Variants in RABGAP1L observed in about 807,000 individuals in gnomAD.
RABGAP1L encodes the protein rab GTPase-activating protein 1-like.
A neutral mutation model predicts 137.7 loss-of-function variants in RABGAP1L; 63 were observed. The observed-to-expected ratio is 0.46, with a 90% CI of 0.37 to 0.56. The LOEUF (loss-of-function observed/expected upper bound fraction) is 0.56. Among genes scored for constraint, RABGAP1L ranks in the 20% least tolerant of loss-of-function variants. The pLI is 0.00. For synonymous variants in RABGAP1L, 431 were observed against 433.7 expected, an observed-to-expected ratio of 0.99 and a Z score of 0.08; for missense variants, 1,095 against 1,244.0, an observed-to-expected ratio of 0.88 and a Z score of 1.80.
At chr1:174,613,733 G>T (rs1309166320) in intron 13 of RABGAP1L, among the ~76,000 whole-genome samples, 1 of 152,156 alleles carries the variant, frequency 6.6e-6, no homozygotes, top group African/African-American at 2.4e-5. Flanking sequence ...TTATGAATCT[G>T]GGTGCTCCTG....
At chr1:174,327,568 A>G (rs893483841) in intron 11 of RABGAP1L, among the ~76,000 whole-genome samples, 4 of 152,146 alleles carry the variant, frequency 2.6e-5, no homozygotes, top group East Asian at 1.9e-4. Context: ...AAAGGAAGAC[A>G]GTAAGAAGAG....
intron 22 of RABGAP1L, among the ~76,000 whole-genome samples, chr1:174,977,692 T>G (rs1328243380): frequency 1.3e-5 from 2 of 152,222 alleles, no homozygotes; most frequent in East Asian, 3.8e-4. Flanking sequence ...ATAAATTTAG[T>G]GACCCTTGCT....
intron 13 of RABGAP1L, among the ~76,000 whole-genome samples, chr1:174,531,746 G>C (rs1664425662): frequency 7.4e-6 from 1 of 134,978 alleles, no homozygotes; most frequent in Non-Finnish European, 1.6e-5. Context: ...ACTGTCTCGG[G>C]GGTGGGGGGG....
At chr1:174,694,701 T>C (rs954076068) in intron 15 of RABGAP1L, among the ~76,000 whole-genome samples, 3 of 152,038 alleles carry the variant, frequency 2.0e-5, no homozygotes, top group Non-Finnish European at 2.9e-5. Context: ...TTATAGTCCT[T>C]TGGGTATATA....
rs892575993 is a variant in RABGAP1L, at chr1:174,792,335, G to C, written c.2212-19497G>C. 2.0e-5 allele frequency among the ~76,000 whole-genome samples: 3 copies of C among 152,216 alleles called. No individual in the cohort carries two copies. The South Asian group carries it at 6.2e-4, about 32-fold the overall frequency. On this transcript the variant is annotated intron_variant, in intron 18 of 25. Transcript: ENST00000681986. ...TGTTCTTGAAGTAGCAAGCATGATT[G>C]TGAATAGTCTAGAATGGTCCAGAAA...
chr1:174,833,420 G>GTT (rs1558127218), intron 19 of RABGAP1L, among the ~76,000 whole-genome samples: 1 of 88,852 alleles, frequency 1.1e-5, no homozygotes, highest in Non-Finnish European at 2.7e-5. Context: ...ATGTGTGTGT[G>GTT]TGTATATATA....
intron 13 of RABGAP1L, among the ~76,000 whole-genome samples, chr1:174,489,276 C>T (rs993226149): frequency 6.6e-6 from 1 of 151,866 alleles, no homozygotes; most frequent in African/African-American, 2.4e-5. Flanking sequence ...TGCAATCTAC[C>T]CATCTGACAA....
intron 18 of RABGAP1L, among the ~76,000 whole-genome samples, chr1:174,777,403 C>G (rs554708304): frequency 6.6e-6 from 1 of 152,152 alleles, no homozygotes; most frequent in African/African-American, 2.4e-5. Flanking sequence ...CAACAGTACC[C>G]CTCATCTCTA....
At chr1:174,362,288 G>A (rs762692294) in intron 11 of RABGAP1L, among the ~76,000 whole-genome samples, 6 of 152,068 alleles carry the variant, frequency 3.9e-5, no homozygotes, top group Non-Finnish European at 7.4e-5. Flanking sequence ...TATTTCTTTG[G>A]GTATACCCAG....
At chr1:174,858,701 T>C (rs965221049) in intron 19 of RABGAP1L, among the ~76,000 whole-genome samples, 13 of 152,202 alleles carry the variant, frequency 8.5e-5, no homozygotes, top group African/African-American at 2.9e-4. Flanking sequence ...GCTTGCTGAC[T>C]CTTGGCCTTT....
chr1:174,839,996 A>G (rs1693208065), intron 19 of RABGAP1L, among the ~76,000 whole-genome samples: 1 of 152,230 alleles, frequency 6.6e-6, no homozygotes, highest in Admixed American at 6.5e-5. Flanking sequence ...ACCAGATAAT[A>G]TATGCATAAT....
chr1:174,799,792 A>G (rs987968632), intron 18 of RABGAP1L: 91 of 974,036 alleles, frequency 9.3e-5, no homozygotes, highest in Admixed American at 3.5e-4. Flanking sequence ...AGCAGCAGCA[A>G]CAACAGCGCT....
chr1:174,734,322 C>T (rs1160957095), intron 17 of RABGAP1L, among the ~76,000 whole-genome samples: 1 of 151,920 alleles, frequency 6.6e-6, no homozygotes, highest in African/African-American at 2.4e-5. Context: ...CAGGTATGAC[C>T]ATAGGGAACT....
At chr1:174,425,320 A>G (rs1201154385) in intron 13 of RABGAP1L, among the ~76,000 whole-genome samples, 1 of 152,008 alleles carries the variant, frequency 6.6e-6, no homozygotes, top group African/African-American at 2.4e-5. Context: ...ACTTAAAGAC[A>G]TCTAATCTTG....
intron 16 of RABGAP1L, among the ~76,000 whole-genome samples, chr1:174,700,078 A>G (rs1257253451): frequency 6.6e-6 from 1 of 152,240 alleles, no homozygotes; most frequent in Non-Finnish European, 1.5e-5. Flanking sequence ...AAAACATACT[A>G]AAATACTGTA....
At chr1:174,739,848 T>C (rs576929089) in intron 17 of RABGAP1L, among the ~76,000 whole-genome samples, 2 of 152,364 alleles carry the variant, frequency 1.3e-5, no homozygotes, top group South Asian at 4.1e-4. Context: ...AAAAGTGCTT[T>C]GCAGTAAAGT....
chr1:174,203,463 T>C (rs974036340), intron 1 of RABGAP1L, among the ~76,000 whole-genome samples: 3 of 152,234 alleles, frequency 2.0e-5, no homozygotes, highest in Non-Finnish European at 4.4e-5. Flanking sequence ...TCCATTGGTC[T>C]ATGTGCCTGT....
At chr1:174,604,983 A>G (rs1316771908) in intron 13 of RABGAP1L, among the ~76,000 whole-genome samples, 1 of 152,090 alleles carries the variant, frequency 6.6e-6, no homozygotes, top group Non-Finnish European at 1.5e-5. Flanking sequence ...TCTACCAAAA[A>G]TACAAAAATT....
chr1:174,247,856 G>A (rs908402732), intron 5 of RABGAP1L, among the ~76,000 whole-genome samples: 3 of 151,976 alleles, frequency 2.0e-5, no homozygotes, highest in Admixed American at 6.6e-5. Context: ...TCTTGGCTTT[G>A]GAGCCCCTCT....
Sources: allele counts gnomAD v4.1 joint callset (sites outside exome capture counted in the v4.1 genomes callset), GRCh38; gene constraint gnomAD v4.1.1; transcripts MANE v1.5; gene names NCBI Gene and HGNC (gene_info 2026-07-23, HGNC 2026-07-21).